The following ZFY variants were observed in gnomAD, a reference collection of about 807,000 sequenced individuals.
The protein encoded by ZFY is zinc finger protein Y-linked, also known as zinc finger Y-chromosomal protein.
For synonymous variants in ZFY, 47 were observed against 55.8 expected (o/e 0.84, Z 0.71); for missense variants, 113 against 170.9 (o/e 0.66, Z 1.89).
intron 1 of ZFY, among the ~76,000 whole-genome samples, chrY:2,939,529 T>C (rs766282420): frequency 3.0e-5 from 1 of 33,644 alleles, no homozygotes; most frequent in East Asian, 7.8e-4. Flanking sequence ...TCTGGTCGTT[T>C]TCCTAACCTA....
intron 3 of ZFY, among the ~76,000 whole-genome samples, chrY:2,964,901 T>G: frequency 3.1e-5 from 1 of 32,614 alleles, no homozygotes; most frequent in African/African-American, 1.2e-4. Context: ...CATGGTGGTA[T>G]GCACCTGTAG....
chrY:2,939,013 AT>A (rs1340394910), intron 1 of ZFY, among the ~76,000 whole-genome samples: 6 of 20,092 alleles, frequency 3.0e-4, no homozygotes, highest in Non-Finnish European at 4.7e-4. Flanking sequence ...ATATATATAT[AT>A]ATATATATAA....
chrY:2,960,100 T>C, intron 2 of ZFY, among the ~76,000 whole-genome samples: 11 of 32,977 alleles, frequency 3.3e-4, no homozygotes. Context: ...TAATATTTAC[T>C]GAGCATGATG....
At chrY:2,938,983 TTATATATATATATATATA>T (rs765202788) in intron 1 of ZFY, among the ~76,000 whole-genome samples, 3 of 5,221 alleles carry the variant, frequency 5.7e-4, no homozygotes, top group East Asian at 8.1e-3. Flanking sequence ...CATACAGTGC[TTATATATATATATATATA>T]TATATATATA....
intron 2 of ZFY, among the ~76,000 whole-genome samples, chrY:2,955,471 G>A (rs2124505295): frequency 2.9e-5 from 1 of 34,258 alleles, no homozygotes; most frequent in East Asian, 7.7e-4. Flanking sequence ...TGACATGAAA[G>A]GTAAGAGAAA....
intron 1 of ZFY, among the ~76,000 whole-genome samples, chrY:2,946,078 G>T (rs2051261631): frequency 3.1e-5 from 1 of 31,773 alleles, no homozygotes; most frequent in Non-Finnish European, 7.6e-5. Flanking sequence ...ATATGTAATG[G>T]TTTTAATTTT....
At chrY:2,938,983 TTATATATATA>T (rs765202788) in intron 1 of ZFY, among the ~76,000 whole-genome samples, 279 of 5,203 alleles carry the variant, frequency 0.054, no homozygotes, top group African/African-American at 0.099. Flanking sequence ...CATACAGTGC[TTATATATATA>T]TATATATATA....
At chrY:2,973,344 G>A in intron 3 of ZFY, among the ~76,000 whole-genome samples, 1 of 33,273 alleles carries the variant, frequency 3.0e-5, no homozygotes, top group Admixed American at 2.7e-4. Flanking sequence ...CACCACGCCT[G>A]GCCTTGGGTC....
intron 2 of ZFY, among the ~76,000 whole-genome samples, chrY:2,955,626 AG>A (rs2051290738): frequency 2.9e-5 from 1 of 34,038 alleles, no homozygotes; most frequent in Non-Finnish European, 7.3e-5. Flanking sequence ...GCAGCTGAAT[AG>A]TTTTATTTCC....
chrY:2,939,557 G>C (rs2051234955), intron 1 of ZFY, among the ~76,000 whole-genome samples: 1 of 33,366 alleles, frequency 3.0e-5, no homozygotes, highest in South Asian at 6.6e-4. Context: ...AATTTAACTT[G>C]AGATTAATTA....
At chrY:2,948,549 A>G (rs2051268868) in intron 1 of ZFY, among the ~76,000 whole-genome samples, 1 of 34,058 alleles carries the variant, frequency 2.9e-5, no homozygotes, top group Non-Finnish European at 7.3e-5. Context: ...ACATATTCAT[A>G]TATTAAATCT....
At chrY:2,942,976 A>C (rs976505421) in intron 1 of ZFY, among the ~76,000 whole-genome samples, 4 of 33,790 alleles carry the variant, frequency 1.2e-4, no homozygotes, top group Non-Finnish European at 2.9e-4. Context: ...AACAATTTCA[A>C]AAAGTTATAC....
chrY:2,978,522 T>A (rs2051385837), intron 7 of ZFY, among the ~76,000 whole-genome samples: 1 of 33,165 alleles, frequency 3.0e-5, no homozygotes, highest in South Asian at 6.6e-4. Flanking sequence ...AATGCTGGAC[T>A]TGATTTTTAT....
chrY:2,961,109 G>T lies in ZFY; in HGVS notation c.97G>T (p.Val33Phe). The change falls in exon 3 of 8, where the codon GTT (valine) becomes TTT (phenylalanine). Residue 33 changes from valine to phenylalanine, a missense_variant. Physicochemically the swap from Val to Phe is conservative, Grantham distance 50. Coordinates refer to ENST00000155093, the MANE Select transcript of ZFY (RefSeq NM_003411.4). ...TACACACATGGATGGTGATCAGATT[G>T]TTGTGGAAATACAAGAAGCAGTTTT... ...DATHMDGDQIVVEIQEAVFVS... is the reference protein window; with the variant it reads ...DATHMDGDQIFVEIQEAVFVS... The T allele has an allele frequency of 2.5e-6, 1 of 398,819 alleles. No individual in the cohort carries two copies. The highest frequency in any genetic ancestry group is 3.5e-6 in the Non-Finnish European group (1 of 283,399).
At chrY:2,975,915 C>T (rs2051367598) in intron 5 of ZFY, among the ~76,000 whole-genome samples, 3 of 31,994 alleles carry the variant, frequency 9.4e-5, no homozygotes, top group South Asian at 1.4e-3. Context: ...CTCCCACTTA[C>T]GAGTGAGAAC....
intron 3 of ZFY, among the ~76,000 whole-genome samples, chrY:2,968,618 C>A (rs752124514): frequency 3.0e-5 from 1 of 33,184 alleles, no homozygotes; most frequent in Non-Finnish European, 7.4e-5. Flanking sequence ...CGGTTGTTTT[C>A]ATCTTTTATA....
chrY:2,968,345 C>T, intron 3 of ZFY, among the ~76,000 whole-genome samples: 1 of 21,387 alleles, frequency 4.7e-5, no homozygotes, highest in Non-Finnish European at 1.0e-4. Flanking sequence ...GAGTCTTGCT[C>T]TGTCACCCAG....
At chrY:2,939,006 TATATATA>T (rs2051229377) in intron 1 of ZFY, among the ~76,000 whole-genome samples, 1 of 19,516 alleles carries the variant, frequency 5.1e-5, no homozygotes, top group Admixed American at 4.4e-4. Flanking sequence ...TATATATATA[TATATATA>T]TATATATATA....
At chrY:2,976,054 G>T (rs374589940) in intron 5 of ZFY, among the ~76,000 whole-genome samples, 5 of 31,351 alleles carry the variant, frequency 1.6e-4, no homozygotes, top group South Asian at 7.2e-4. Context: ...TGATGTATAT[G>T]TGCCAGTATG....
Sources: gnomAD v4.1 joint callset for allele counts (sites outside exome capture counted in the v4.1 genomes callset) on GRCh38, gnomAD v4.1.1 for gene constraint, MANE v1.5 for transcripts, NCBI Gene and HGNC (gene_info 2026-07-23, HGNC 2026-07-21) for gene names.